Variants in RARB observed in about 807,000 individuals in gnomAD.
The protein encoded by RARB is HBV-activated protein.
RARB carries 17 observed loss-of-function variants against 51.9 expected under a neutral mutation model. The ratio of observed to expected loss-of-function variants is 0.33; its 90% confidence interval spans 0.22 to 0.49. RARB has a LOEUF of 0.49. Ranked by LOEUF, RARB falls within the 20% of genes least tolerant of loss-of-function variation. RARB has a pLI of 0.99. For missense variants in RARB, 369 were observed against 550.8 expected, an observed-to-expected ratio of 0.67 and a Z score of 3.30; for synonymous variants, 215 against 195.4, an observed-to-expected ratio of 1.10 and a Z score of -0.84.
At chr3:25,579,650 A>G (rs907602127) in intron 4 of RARB, among the ~76,000 whole-genome samples, 1 of 152,188 alleles carries the variant, frequency 6.6e-6, no homozygotes, top group Non-Finnish European at 1.5e-5. Context: ...CTTTCAATCT[A>G]TAGATTTCTC....
At chr3:25,361,347 C>T (rs1439016327) in intron 5 of RARB, among the ~76,000 whole-genome samples, 1 of 152,200 alleles carries the variant, frequency 6.6e-6, no homozygotes, top group East Asian at 1.9e-4. Context: ...TTATGTTTTT[C>T]TCTAAACTGG....
chr3:24,902,942 G>A (rs1703638961), intron 2 of RARB, among the ~76,000 whole-genome samples: 1 of 152,064 alleles, frequency 6.6e-6, no homozygotes, highest in South Asian at 2.1e-4. Context: ...TCGTAAGGGT[G>A]TTTCTAAACT....
chr3:25,104,908 G>A (rs1699470231), intron 3 of RARB, among the ~76,000 whole-genome samples: 1 of 152,128 alleles, frequency 6.6e-6, no homozygotes, highest in Non-Finnish European at 1.5e-5. Context: ...TTGGGGGAGT[G>A]GAGGTAATGC....
chr3:25,466,843 G>A (rs999630688), intron 2 of RARB, among the ~76,000 whole-genome samples: 2 of 152,214 alleles, frequency 1.3e-5, no homozygotes, highest in African/African-American at 4.8e-5. Flanking sequence ...GAATGGCTAT[G>A]TTTCAATAAA....
At chr3:25,361,417 A>G (rs1414200973) in intron 5 of RARB, among the ~76,000 whole-genome samples, 2 of 152,112 alleles carry the variant, frequency 1.3e-5, no homozygotes, top group African/African-American at 4.8e-5. Context: ...CTTGCATTGG[A>G]TTAGAACATG....
At chr3:24,944,045 T>C (rs1036886546) in intron 2 of RARB, among the ~76,000 whole-genome samples, 1 of 152,208 alleles carries the variant, frequency 6.6e-6, no homozygotes, top group African/African-American at 2.4e-5. Context: ...CCTTGTAATA[T>C]ATTAATGAAG....
intron 5 of RARB, among the ~76,000 whole-genome samples, chr3:25,278,961 A>C (rs1178955504): frequency 6.6e-6 from 1 of 152,194 alleles, no homozygotes; most frequent in Non-Finnish European, 1.5e-5. Context: ...CATATTTAGC[A>C]TTTAAACCCT....
intron 1 of RARB, among the ~76,000 whole-genome samples, chr3:25,456,352 A>C (rs528290602): frequency 6.6e-6 from 1 of 152,226 alleles, no homozygotes; most frequent in Non-Finnish European, 1.5e-5. Flanking sequence ...TGGGGGGTGG[A>C]GGAAGGCAAA....
At chr3:24,843,900 T>TACACACACACACACAC (rs71057685) in intron 1 of RARB, among the ~76,000 whole-genome samples, 2 of 145,144 alleles carry the variant, frequency 1.4e-5, no homozygotes, top group African/African-American at 5.1e-5. Flanking sequence ...GATTTGAGGG[T>TACACACACACACACAC]ACACACACAC....
In RARB at chr3:25,222,917, G is replaced by A. The variant is rs1175385214; in HGVS notation, c.178+48342G>A. Among the ~76,000 whole-genome samples the A allele has an allele frequency of 2.6e-5, 4 of 152,124 alleles. No homozygotes were observed. In the East Asian group the frequency reaches 7.7e-4, roughly 29 times the overall value. On this transcript the variant is annotated intron_variant, in intron 5 of 11. Coordinates refer to the RARB transcript ENST00000383772. ...ATAAATTACTTTGCAAAAAGAGTTC[G>A]AAAACTTACCAGAATGAATAGGATT...
intron 2 of RARB, among the ~76,000 whole-genome samples, chr3:24,883,101 C>T (rs1399739658): frequency 2.6e-5 from 4 of 152,050 alleles, no homozygotes; most frequent in Non-Finnish European, 5.9e-5. Flanking sequence ...CTAAGTTAAC[C>T]AACCCTGGGA....
At chr3:24,839,969 T>C (rs1307463004) in intron 1 of RARB, among the ~76,000 whole-genome samples, 1 of 152,190 alleles carries the variant, frequency 6.6e-6, no homozygotes, top group Non-Finnish European at 1.5e-5. Flanking sequence ...GATTGGATGG[T>C]ATCATAGCTG....
chr3:25,090,153 G>C (rs1049137143), intron 3 of RARB, among the ~76,000 whole-genome samples: 2 of 152,258 alleles, frequency 1.3e-5, no homozygotes, highest in Non-Finnish European at 2.9e-5. Context: ...GGAGGTGAGA[G>C]ACAAGCTCTG....
chr3:25,594,785 C>A, intron 7 of RARB, 107 bp downstream of exon 7: 4 of 1,000,796 alleles, frequency 4.0e-6, no homozygotes, highest in Non-Finnish European at 5.3e-6. Context: ...CTTTTAAAGT[C>A]TTGGAACTCA....
intron 5 of RARB, among the ~76,000 whole-genome samples, chr3:25,351,469 A>T (rs1032718668): frequency 6.6e-6 from 1 of 152,050 alleles, no homozygotes; most frequent in East Asian, 1.9e-4. Context: ...ATTTGGTTAC[A>T]GGTCACCTAG....
exon 5 of RARB, chr3:25,174,282 C>T: frequency 1.1e-6 from 1 of 902,730 alleles, no homozygotes; most frequent in South Asian, 1.5e-5. Flanking sequence ...TGACTTTGGC[C>T]CAGAACACAG....
At chr3:25,284,495 T>C (rs563870952) in intron 5 of RARB, among the ~76,000 whole-genome samples, 1 of 152,272 alleles carries the variant, frequency 6.6e-6, no homozygotes, top group East Asian at 1.9e-4. Context: ...AAGGAAAATA[T>C]TACTCAAATA....
chr3:24,830,406 C>G (rs1261973889), intron 1 of RARB, among the ~76,000 whole-genome samples: 1 of 100,168 alleles, frequency 1.0e-5, no homozygotes, highest in Admixed American at 1.1e-4. Flanking sequence ...TGAAAGTGAA[C>G]AGGTGACAGA....
At chr3:25,218,475 A>G (rs1321021215) in intron 5 of RARB, among the ~76,000 whole-genome samples, 8 of 152,076 alleles carry the variant, frequency 5.3e-5, no homozygotes, top group Non-Finnish European at 7.4e-5. Context: ...CAGCATTGCC[A>G]TTTATTTTCA....
Sources: gnomAD v4.1 joint callset for allele counts (sites outside exome capture counted in the v4.1 genomes callset) on GRCh38, gnomAD v4.1.1 for gene constraint, MANE v1.5 for transcripts, NCBI Gene and HGNC (gene_info 2026-07-23, HGNC 2026-07-21) for gene names.